The following KCNJ6 variants were observed in gnomAD, a reference collection of about 807,000 sequenced individuals.
KCNJ6 encodes the protein G protein-activated inward rectifier potassium channel 2.
A neutral mutation model predicts 34.2 loss-of-function variants in KCNJ6; 9 were observed. That is an observed-to-expected ratio of 0.26 (90% CI 0.16 to 0.46). The LOEUF (loss-of-function observed/expected upper bound fraction) is 0.46. Ranked by LOEUF, KCNJ6 falls within the 20% of genes least tolerant of loss-of-function variation. KCNJ6 has a pLI of 1.00. For missense variants in KCNJ6, 236 were observed against 531.3 expected (o/e 0.44, Z 5.46); for synonymous variants, 196 against 207.1 (o/e 0.95, Z 0.46).
intron 1 of KCNJ6, among the ~76,000 whole-genome samples, chr21:37,900,525 C>T (rs934836035): frequency 2.6e-5 from 4 of 152,266 alleles, no homozygotes; most frequent in Admixed American, 6.5e-5. Context: ...ATTTGCGTGG[C>T]GTGTTAGAAG....
chr21:37,651,262 G>A, intron 3 of KCNJ6, among the ~76,000 whole-genome samples: 1 of 152,188 alleles, frequency 6.6e-6, no homozygotes, highest in Non-Finnish European at 1.5e-5. Context: ...TCATACATGA[G>A]ATAATGATAT....
intron 2 of KCNJ6, among the ~76,000 whole-genome samples, chr21:37,822,800 T>A (rs1484761735): frequency 6.6e-6 from 1 of 152,200 alleles, no homozygotes; most frequent in Non-Finnish European, 1.5e-5. Flanking sequence ...TAAATCACTT[T>A]TAATAAATAT....
chr21:37,651,175 C>A (rs971189291), intron 3 of KCNJ6, among the ~76,000 whole-genome samples: 1 of 152,064 alleles, frequency 6.6e-6, no homozygotes, highest in Non-Finnish European at 1.5e-5. Flanking sequence ...ATGGCTTTCT[C>A]GATGTCACAC....
At chr21:37,906,329 T>C (rs1601525629) in intron 1 of KCNJ6, among the ~76,000 whole-genome samples, 1 of 152,336 alleles carries the variant, frequency 6.6e-6, no homozygotes, top group East Asian at 1.9e-4. Context: ...CCATTTCTAG[T>C]TGTGACCCTA....
chr21:37,802,627 C>T (rs2055274568), intron 2 of KCNJ6, among the ~76,000 whole-genome samples: 1 of 152,142 alleles, frequency 6.6e-6, no homozygotes, highest in African/African-American at 2.4e-5. Context: ...GGAACCCATC[C>T]AGGCCAACCC....
In KCNJ6 at chr21:37,725,423, AC is replaced by A. The variant is rs1387464096; in HGVS notation, c.26-10293del. Among the ~76,000 whole-genome samples the A allele has an allele frequency of 5.3e-5, 8 of 152,314 alleles. No homozygotes were observed. In the East Asian group the frequency reaches 1.5e-3, roughly 29 times the overall value. ...AAGTAGCTAGAAAACATATAAAAAGACTGTCCATCCATGGCAAAGGAAAGCA... is the reference window on the plus strand; with the variant it reads ...AAGTAGCTAGAAAACATATAAAAAGATGTCCATCCATGGCAAAGGAAAGCA... On this transcript the variant is annotated intron_variant, in intron 2 of 3. Coordinates refer to ENST00000609713, the MANE Select transcript of KCNJ6 (RefSeq NM_002240.5).
At chr21:37,658,740 C>T (rs1399380975) in intron 3 of KCNJ6, among the ~76,000 whole-genome samples, 1 of 152,196 alleles carries the variant, frequency 6.6e-6, no homozygotes, top group Admixed American at 6.5e-5. Context: ...CTTCAGAGGG[C>T]GTTCCTCACT....
intron 2 of KCNJ6, among the ~76,000 whole-genome samples, chr21:37,775,450 C>T (rs1418429042): frequency 1.3e-5 from 2 of 152,120 alleles, no homozygotes; most frequent in African/African-American, 2.4e-5. Flanking sequence ...AATGGTATTG[C>T]CTAGGTTTTC....
chr21:37,809,269 G>A (rs888994456), intron 2 of KCNJ6, among the ~76,000 whole-genome samples: 7 of 151,692 alleles, frequency 4.6e-5, no homozygotes, highest in Admixed American at 1.3e-4. Context: ...GCAAACTATC[G>A]CAAGGACAAA....
chr21:37,862,641 C>T (rs925896507), intron 1 of KCNJ6, among the ~76,000 whole-genome samples: 4 of 152,202 alleles, frequency 2.6e-5, no homozygotes, highest in Non-Finnish European at 4.4e-5. Flanking sequence ...TGTGTTTACC[C>T]TGTGTAGATA....
chr21:37,847,870 C>G (rs1293440878), intron 1 of KCNJ6, among the ~76,000 whole-genome samples: 1 of 151,936 alleles, frequency 6.6e-6, no homozygotes, highest in African/African-American at 2.4e-5. Flanking sequence ...GGGTGTGCCT[C>G]ACGGAGGAAG....
chr21:37,879,395 A>T (rs1007537153), intron 1 of KCNJ6, among the ~76,000 whole-genome samples: 11 of 152,110 alleles, frequency 7.2e-5, no homozygotes, highest in African/African-American at 2.4e-4. Context: ...CTCCAGCACT[A>T]AACTTGTGAT....
At chr21:37,730,306 G>A (rs1170861940) in intron 2 of KCNJ6, among the ~76,000 whole-genome samples, 3 of 152,190 alleles carry the variant, frequency 2.0e-5, no homozygotes, top group African/African-American at 7.2e-5. Context: ...TTGGGAGCCT[G>A]GTGACAAGGT....
At chr21:37,655,005 A>G (rs1373126273) in intron 3 of KCNJ6, among the ~76,000 whole-genome samples, 1 of 152,186 alleles carries the variant, frequency 6.6e-6, no homozygotes, top group African/African-American at 2.4e-5. Flanking sequence ...TTAAACTTGA[A>G]CCTGAGAAGA....
In KCNJ6 at chr21:37,617,277, G is replaced by A. The variant is rs897205163; in HGVS notation, c.*7882C>T. ...TCCGTGGCCCAGGCTGGAGTGCAGT[G>A]GCATGATCTCAGCTTACTGCAACCT... On this transcript the variant is annotated 3_prime_UTR_variant, in exon 4 of 4. Coordinates refer to ENST00000609713, the MANE Select transcript of KCNJ6 (RefSeq NM_002240.5). 9.3e-5 allele frequency: 14 copies of A among 150,604 alleles called. No individual in the cohort carries two copies. The highest frequency in any genetic ancestry group is 1.3e-4 in the Non-Finnish European group (9 of 67,818). The allele number at this position is 150,604 out of a possible 1,614,324, so 9.3% of individuals were successfully genotyped here. A position where few individuals can be genotyped will look rare whatever the true frequency, so the allele number is the denominator to read the frequency against.
Position 37,715,267 on chromosome 21 carries a change from T to G in KCNJ6, c.26-136A>C, listed in dbSNP as rs1224561166. The G allele has an allele frequency of 4.1e-6, 3 of 739,938 alleles. No homozygotes were observed. The African/African-American group carries it at 5.3e-5, about 13-fold the overall frequency. The allele number at this position is 739,938 out of a possible 1,614,324, so 45.8% of individuals were successfully genotyped here. A position where few individuals can be genotyped will look rare whatever the true frequency, so the allele number is the denominator to read the frequency against. On this transcript the variant is annotated intron_variant, in intron 2 of 3. Coordinates refer to ENST00000609713, the MANE Select transcript of KCNJ6 (RefSeq NM_002240.5). ...CTATAAACAAAGTAGACAAAGCCAT[T>G]TTTATTCCACACCATCTGGATAGGC...
chr21:37,862,358 T>C (rs1049833673), intron 1 of KCNJ6, among the ~76,000 whole-genome samples: 4 of 152,238 alleles, frequency 2.6e-5, no homozygotes, highest in Admixed American at 2.0e-4. Context: ...AACTTTTCTG[T>C]TTTGTAAATG....
intron 2 of KCNJ6, among the ~76,000 whole-genome samples, chr21:37,753,353 T>C (rs756779566): frequency 5.3e-5 from 8 of 152,218 alleles, no homozygotes; most frequent in Non-Finnish European, 1.0e-4. Flanking sequence ...TTTGAAGGCA[T>C]GTCTGCGTTT....
At chr21:37,858,189 A>C (rs996671304) in intron 1 of KCNJ6, among the ~76,000 whole-genome samples, 1 of 152,050 alleles carries the variant, frequency 6.6e-6, no homozygotes, top group African/African-American at 2.4e-5. Flanking sequence ...CAGGAGATCG[A>C]GACCATCCTG....
Sources: allele counts gnomAD v4.1 joint callset (sites outside exome capture counted in the v4.1 genomes callset), GRCh38; gene constraint gnomAD v4.1.1; transcripts MANE v1.5; gene names NCBI Gene and HGNC (gene_info 2026-07-23, HGNC 2026-07-21).